The following TLE4 variants were observed in gnomAD, a reference collection of about 807,000 sequenced individuals.
TLE4 encodes the protein TLE family member 4, transcriptional corepressor, also known as transducin-like enhancer protein 4.
A neutral mutation model predicts 92.8 loss-of-function variants in TLE4; 8 were observed. The ratio of observed to expected loss-of-function variants is 0.09; its 90% CI spans 0.05 to 0.16. The LOEUF is 0.16. Ranked by LOEUF, TLE4 falls within the 10% of genes least tolerant of loss-of-function variation. TLE4 has a pLI of 1.00. For missense variants in TLE4, 675 were observed against 997.6 expected (o/e 0.68, Z 4.36); for synonymous variants, 371 against 374.1 (o/e 0.99, Z 0.10).
At chr9:79,677,824 C>G (rs1472545066) in intron 8 of TLE4, among the ~76,000 whole-genome samples, 1 of 151,946 alleles carries the variant, frequency 6.6e-6, no homozygotes, top group Non-Finnish European at 1.5e-5. Context: ...TGTGGATGCT[C>G]TTTTACTTAT....
intron 6 of TLE4, among the ~76,000 whole-genome samples, chr9:79,634,361 A>G (rs2133771845): frequency 6.6e-6 from 1 of 152,362 alleles, no homozygotes; most frequent in Middle Eastern, 3.4e-3. Context: ...GTAAAGAGAA[A>G]TAGTTAATAA....
chr9:79,695,600 C>T (rs1007766653), intron 8 of TLE4, among the ~76,000 whole-genome samples: 8 of 152,156 alleles, frequency 5.3e-5, no homozygotes, highest in South Asian at 2.1e-4. Flanking sequence ...GTGATCCAAA[C>T]GGGCGTGGTC....
rs376920639 is a variant in TLE4, at chr9:79,616,831, G to A, written c.315+4113G>A. Among the ~76,000 whole-genome samples, 54 of 152,298 alleles carry A rather than the reference G, an allele frequency of 3.5e-4. 2 individuals carry two copies. In the South Asian group the frequency reaches 9.7e-3, roughly 27 times the overall value. On this transcript the variant is annotated intron_variant, in intron 5 of 19. Coordinates refer to ENST00000376552, the MANE Select transcript of TLE4 (RefSeq NM_007005.6). ...TCTACATCACTGTTACACCCTGGCA[G>A]TAAGGGACAGCATTTCTGCTAATTT...
intron 14 of TLE4, chr9:79,718,173 C>A: frequency 2.4e-6 from 1 of 415,542 alleles, no homozygotes; most frequent in Non-Finnish European, 4.7e-6. Context: ...TAAAATAGGG[C>A]TTTATCTTTT....
intron 5 of TLE4, among the ~76,000 whole-genome samples, chr9:79,615,934 C>T (rs1052018799): frequency 6.6e-6 from 1 of 152,140 alleles, no homozygotes; most frequent in African/African-American, 2.4e-5. Flanking sequence ...GTACTCATCA[C>T]TTGGAGTTCA....
rs1161291884 is a variant in TLE4, at chr9:79,652,793, A to G, written c.591A>G (p.Arg197=). The G allele has an allele frequency of 1.2e-6, 2 of 1,613,964 alleles. No homozygotes were observed. Among genetic ancestry groups the G allele is most frequent in the South Asian group, 1.1e-5 (1 of 91,060 alleles). ...EKKHHDNDHQ[R]DRDSIKSSSV... Reference sequence around the variant, plus strand: ...AGCACCATGACAATGATCACCAAAGAGGTGAGTAACTCTCTTGGAATGCCA... The same window carrying G: ...AGCACCATGACAATGATCACCAAAGGGGTGAGTAACTCTCTTGGAATGCCA... The change falls in exon 7 of 20, where the codon AGA becomes AGG. Residue 197 remains arginine, a splice_region_variant and synonymous_variant. Transcript: ENST00000376552.
At chr9:79,625,353 C>T (rs1041576583) in intron 5 of TLE4, among the ~76,000 whole-genome samples, 12 of 152,132 alleles carry the variant, frequency 7.9e-5, no homozygotes, top group Non-Finnish European at 1.5e-4. Flanking sequence ...AAAAGAAATA[C>T]CTGAAGTTCT....
intron 7 of TLE4, 90 bp from the exon 8 acceptor site, chr9:79,653,969 A>G (rs1242985806): frequency 4.3e-6 from 6 of 1,405,276 alleles, no homozygotes; most frequent in Admixed American, 3.4e-5. Flanking sequence ...AGTTTGATAA[A>G]TCAGTATGAT....
At chr9:79,582,594 T>C (rs968055778) in intron 4 of TLE4, among the ~76,000 whole-genome samples, 2 of 152,132 alleles carry the variant, frequency 1.3e-5, no homozygotes, top group African/African-American at 2.4e-5. Flanking sequence ...AATTAAATGT[T>C]TAAAAAATGC....
rs1428985676 is a variant in TLE4 at position 79,573,971 on chromosome 9, A to G, written c.143+185A>G. ...TTAGGCAGGTGTAAATAAATTAAAC[A>G]TTTCTTCTACCGTAAATAAAAAGAA... On this transcript the variant is annotated intron_variant, in intron 2 of 19. Transcript: ENST00000376552. 4.3e-5 allele frequency: 17 copies of G among 396,902 alleles called. No homozygotes were observed. In the East Asian group the frequency reaches 4.4e-4, roughly 10 times the overall value. 24.6% of individuals were successfully genotyped at this position (396,902 alleles called of 1,614,324 possible). A position where few individuals can be genotyped will look rare whatever the true frequency, so the allele number is the denominator to read the frequency against.
At chr9:79,614,125 A>G (rs1169243908) in intron 5 of TLE4, among the ~76,000 whole-genome samples, 2 of 152,094 alleles carry the variant, frequency 1.3e-5, no homozygotes, top group African/African-American at 4.8e-5. Context: ...GATCCAGACT[A>G]GTGTGTATTT....
In TLE4 at chr9:79,716,196, T is replaced by C. The variant is rs192313964; in HGVS notation, c.1341-2526T>C. ...CCTTGCCTGTCCCTTCACTCTTATATCCTATATGCTCTCCACCGAATGCAC... is the reference window on the plus strand; with the variant it reads ...CCTTGCCTGTCCCTTCACTCTTATACCCTATATGCTCTCCACCGAATGCAC... On this transcript the variant is annotated intron_variant, in intron 14 of 19. Coordinates refer to ENST00000376552, the MANE Select transcript of TLE4 (RefSeq NM_007005.6). 2.0e-3 allele frequency among the ~76,000 whole-genome samples: 301 copies of C among 152,286 alleles called. 1 individual carries two copies. The highest frequency in any genetic ancestry group is 6.8e-3 in the African/African-American group (283 of 41,558).
intron 14 of TLE4, among the ~76,000 whole-genome samples, chr9:79,710,821 G>A (rs2073088832): frequency 6.6e-6 from 1 of 151,926 alleles, no homozygotes; most frequent in Non-Finnish European, 1.5e-5. Flanking sequence ...TTGACTATAA[G>A]TTCCATGAAA....
rs75543210 is a variant in TLE4, at chr9:79,670,780, A to T, written c.609+16705A>T. Reference sequence around the variant, plus strand: ...CTGGGTTCAAATCATGCCTTATGCTATTTACCATCCTTGTGATTTTTGGCA... The same window carrying T: ...CTGGGTTCAAATCATGCCTTATGCTTTTTACCATCCTTGTGATTTTTGGCA... On this transcript the variant is annotated intron_variant, in intron 8 of 19. Coordinates refer to ENST00000376552, the MANE Select transcript of TLE4 (RefSeq NM_007005.6). Among the ~76,000 whole-genome samples, 774 of 152,064 alleles carry T rather than the reference A, an allele frequency of 5.1e-3. 5 individuals carry two copies. The highest frequency in any genetic ancestry group is 0.017 in the African/African-American group (709 of 41,456).
chr9:79,601,749 A>T (rs2045722290), intron 4 of TLE4, among the ~76,000 whole-genome samples: 1 of 152,098 alleles, frequency 6.6e-6, no homozygotes, highest in Non-Finnish European at 1.5e-5. Flanking sequence ...GCCAATTAAT[A>T]ACCCTACACG....
chr9:79,615,529 G>A (rs1170125024), intron 5 of TLE4, among the ~76,000 whole-genome samples: 1 of 152,102 alleles, frequency 6.6e-6, no homozygotes. Context: ...ACAGGAACAA[G>A]GGGTATATTT....
intron 8 of TLE4, among the ~76,000 whole-genome samples, chr9:79,681,145 A>G (rs567195273): frequency 2.0e-5 from 3 of 152,204 alleles, no homozygotes; most frequent in African/African-American, 7.2e-5. Context: ...CTTCACTTGT[A>G]TTTTTATTAA....
chr9:79,713,312 T>A (rs2073785768), intron 14 of TLE4, among the ~76,000 whole-genome samples: 1 of 152,246 alleles, frequency 6.6e-6, no homozygotes, highest in South Asian at 2.1e-4. Flanking sequence ...ACACACATGT[T>A]TTTAAAAAAG....
At position 79,725,411 on chromosome 9, in the gene TLE4, G is replaced by A. The variant is rs986773083; in HGVS notation, c.*267G>A. ...AACAGTGAAAAGAATCTTTAATTAT[G>A]TATTATATCTGTAATATATTTATTT... On this transcript the variant is annotated 3_prime_UTR_variant, in exon 20 of 20. Coordinates refer to ENST00000376552, the MANE Select transcript of TLE4 (RefSeq NM_007005.6). 4 of 254,670 alleles carry A rather than the reference G, an allele frequency of 1.6e-5. No homozygotes were observed. The highest frequency in any genetic ancestry group is 5.1e-5 in the Admixed American group (1 of 19,636). 15.8% of individuals were successfully genotyped at this position (254,670 alleles called of 1,614,324 possible).
Sources: allele counts gnomAD v4.1 joint callset (sites outside exome capture counted in the v4.1 genomes callset), GRCh38; gene constraint gnomAD v4.1.1; transcripts MANE v1.5; gene names NCBI Gene and HGNC (gene_info 2026-07-23, HGNC 2026-07-21).